Variants in TSPAN5 observed in about 807,000 individuals in gnomAD.
The protein encoded by TSPAN5 is tetraspanin 5.
A neutral mutation model predicts 37.1 loss-of-function variants in TSPAN5; 10 were observed. That is an observed-to-expected ratio of 0.27 (90% CI 0.17 to 0.46). The LOEUF (loss-of-function observed/expected upper bound fraction) is 0.46. Among genes scored for constraint, TSPAN5 ranks in the 20% least tolerant of loss-of-function variants. TSPAN5 has a pLI of 1.00. For synonymous variants in TSPAN5, 110 were observed against 118.9 expected (o/e 0.93, Z 0.48); for missense variants, 195 against 326.6 (o/e 0.60, Z 3.11).
chr4:98,655,203 C>A (rs1480456573), intron 1 of TSPAN5, among the ~76,000 whole-genome samples: 1 of 151,962 alleles, frequency 6.6e-6, no homozygotes, highest in Non-Finnish European at 1.5e-5. Context: ...ATGAAAGGAT[C>A]TTTGAGGAAG....
intron 1 of TSPAN5, among the ~76,000 whole-genome samples, chr4:98,523,778 G>C (rs1753905196): frequency 6.6e-6 from 1 of 152,186 alleles, no homozygotes; most frequent in Middle Eastern, 3.2e-3. Context: ...ATTTCCTGAA[G>C]TTAAAACAGA....
intron 1 of TSPAN5, among the ~76,000 whole-genome samples, chr4:98,626,722 T>G (rs1449159019): frequency 6.6e-6 from 1 of 152,078 alleles, no homozygotes; most frequent in Non-Finnish European, 1.5e-5. Flanking sequence ...TGGGAGGCCT[T>G]CCCTGGCCAC....
chr4:98,479,802 T>C (rs1752795331), intron 4 of TSPAN5, among the ~76,000 whole-genome samples: 1 of 152,218 alleles, frequency 6.6e-6, no homozygotes, highest in South Asian at 2.1e-4. Flanking sequence ...GGAAAGACTG[T>C]GTTTCTGTTT....
chr4:98,476,599 C>G, intron 5 of TSPAN5, 139 bp from the exon 6 acceptor site: 2 of 711,796 alleles, frequency 2.8e-6, no homozygotes, highest in Non-Finnish European at 4.8e-6. Context: ...ATGTTAAACA[C>G]TTTATATACA....
Position 98,571,317 on chromosome 4 carries a change from AG to A in TSPAN5, c.82-63590del, listed in dbSNP as rs969788266. On this transcript the variant is annotated intron_variant, in intron 1 of 7. Coordinates refer to ENST00000305798, the MANE Select transcript of TSPAN5 (RefSeq NM_005723.4). ...GGCAGGCTGCACGGGGGAGCGCAGA[AG>A]GGGCTGCTGGCGGGGAGGAGGGAGT... Among the ~76,000 whole-genome samples, 68 of 152,004 alleles carry A rather than the reference AG, an allele frequency of 4.5e-4. 1 individual carries two copies. Among genetic ancestry groups the A allele is most frequent in the African/African-American group, 1.6e-3 (66 of 41,472 alleles).
chr4:98,618,562 C>T (rs975788550), intron 1 of TSPAN5, among the ~76,000 whole-genome samples: 3 of 108,686 alleles, frequency 2.8e-5, no homozygotes, highest in African/African-American at 4.6e-5. Flanking sequence ...TCTAACACCT[C>T]TGTTATTACC....
intron 1 of TSPAN5, among the ~76,000 whole-genome samples, chr4:98,607,886 T>C (rs940190653): frequency 3.6e-4 from 55 of 152,126 alleles, no homozygotes; most frequent in African/African-American, 1.3e-3. Flanking sequence ...AATGTTTGTA[T>C]TTTTAGTAGA....
At chr4:98,487,239 A>G (rs775736615) in intron 2 of TSPAN5, among the ~76,000 whole-genome samples, 1 of 16,858 alleles carries the variant, frequency 5.9e-5, no homozygotes, top group East Asian at 1.0e-3. Context: ...ATATGTAGAG[A>G]AAAAAAAAAA....
intron 1 of TSPAN5, among the ~76,000 whole-genome samples, chr4:98,589,137 A>C (rs1755564427): frequency 6.6e-6 from 1 of 152,180 alleles, no homozygotes; most frequent in Admixed American, 6.5e-5. Flanking sequence ...CGTGTGAAGA[A>C]AGTTCACCCT....
intron 1 of TSPAN5, among the ~76,000 whole-genome samples, chr4:98,655,629 C>G (rs1757280561): frequency 6.6e-6 from 1 of 152,208 alleles, no homozygotes; most frequent in Non-Finnish European, 1.5e-5. Flanking sequence ...TTGGCAATCT[C>G]TTCTTCATAA....
At chr4:98,658,092 C>T (rs1757328836) in intron 1 of TSPAN5, 54 bp downstream of exon 1, 3 of 1,491,428 alleles carry the variant, frequency 2.0e-6, no homozygotes, top group African/African-American at 1.4e-5. Context: ...TGGGGGAAAT[C>T]GTCGCGAATC....
rs191012813 is a variant in TSPAN5 at position 98,540,535 on chromosome 4, G to A, written c.82-32807C>T. On this transcript the variant is annotated intron_variant, in intron 1 of 7. Transcript: ENST00000305798. ...GTACTTTTAGTAGAGATGGGGTTTCGCCATGTTGGCCAGGCTGGTCTTGAA... is the reference window on the plus strand; with the variant it reads ...GTACTTTTAGTAGAGATGGGGTTTCACCATGTTGGCCAGGCTGGTCTTGAA... Among the ~76,000 whole-genome samples, 483 of 152,156 alleles carry A rather than the reference G, an allele frequency of 3.2e-3. 1 individual carries two copies. Among genetic ancestry groups the A allele is most frequent in the African/African-American group, 0.011 (445 of 41,514 alleles).
chr4:98,558,187 C>T (rs1300440415), intron 1 of TSPAN5, among the ~76,000 whole-genome samples: 1 of 150,850 alleles, frequency 6.6e-6, no homozygotes, highest in Non-Finnish European at 1.5e-5. Context: ...TAAATTTAAT[C>T]ATCTTAGCAA....
At chr4:98,628,228 G>GT (rs930784631) in intron 1 of TSPAN5, among the ~76,000 whole-genome samples, 7 of 151,950 alleles carry the variant, frequency 4.6e-5, no homozygotes, top group African/African-American at 1.7e-4. Context: ...AGGTATAAGG[G>GT]TTTTTTTCAA....
At chr4:98,523,222 G>A (rs1753893100) in intron 1 of TSPAN5, among the ~76,000 whole-genome samples, 1 of 152,148 alleles carries the variant, frequency 6.6e-6, no homozygotes, top group South Asian at 2.1e-4. Flanking sequence ...AGAATTGTTT[G>A]GAAGAGTCTC....
chr4:98,649,122 C>G (rs1316548868), intron 1 of TSPAN5, among the ~76,000 whole-genome samples: 1 of 152,146 alleles, frequency 6.6e-6, no homozygotes, highest in East Asian at 1.9e-4. Flanking sequence ...TCAAAGACAT[C>G]TAAAGGCTAG....
chr4:98,636,280 C>A (rs1756855262), intron 1 of TSPAN5, among the ~76,000 whole-genome samples: 1 of 152,216 alleles, frequency 6.6e-6, no homozygotes, highest in Admixed American at 6.5e-5. Flanking sequence ...GACCCTTGAA[C>A]TGAGGGAGCC....
At chr4:98,653,443 G>C (rs1757232652) in intron 1 of TSPAN5, among the ~76,000 whole-genome samples, 1 of 152,120 alleles carries the variant, frequency 6.6e-6, no homozygotes, top group Admixed American at 6.5e-5. Context: ...CTAATCCTTT[G>C]TAGCAAAGAA....
chr4:98,556,626 T>G (rs953130648), intron 1 of TSPAN5, among the ~76,000 whole-genome samples: 1 of 152,236 alleles, frequency 6.6e-6, no homozygotes, highest in African/African-American at 2.4e-5. Flanking sequence ...CTTTTACTAC[T>G]TATTCATTCA....
Sources: gnomAD v4.1 joint callset for allele counts (sites outside exome capture counted in the v4.1 genomes callset) on GRCh38, gnomAD v4.1.1 for gene constraint, MANE v1.5 for transcripts, NCBI Gene and HGNC (gene_info 2026-07-23, HGNC 2026-07-21) for gene names.